The following IVD variants were observed in gnomAD, a reference collection of about 807,000 sequenced individuals.
IVD encodes isovaleryl-CoA dehydrogenase.
A neutral mutation model predicts 51.3 loss-of-function variants in IVD; 31 were observed. The observed-to-expected ratio is 0.60, with a 90% CI of 0.45 to 0.81. The LOEUF is 0.81. Ranked by LOEUF, IVD falls within the 40% of genes least tolerant of loss-of-function variation. The pLI is 0.00. For synonymous variants in IVD, 205 were observed against 219.4 expected, an observed-to-expected ratio of 0.93 and a Z score of 0.58; for missense variants, 475 against 552.0, an observed-to-expected ratio of 0.86 and a Z score of 1.40.
chr15:40,423,991 C>A, downstream of IVD: 1 of 335,870 alleles, frequency 3.0e-6, no homozygotes, highest in Non-Finnish European at 5.6e-6. Flanking sequence ...CTGTGTGCGC[C>A]ACTTGGTTAC....
rs2141361686 is a variant in IVD, at chr15:40,416,298, A to G, written c.1074A>G (p.Ala358=). ...CCAGCTTCCTCCCGTAGGACTGTGC[A>G]GGTGTGATTCTTTACTCAGCTGAGT... ...DEGHCTAKDC[A]GVILYSAECA... The change falls in exon 11 of 12, where the codon GCA becomes GCG. Residue 358 remains alanine, a synonymous_variant. Coordinates refer to ENST00000487418, the MANE Select transcript of IVD (RefSeq NM_002225.5). The G allele has an allele frequency of 6.2e-7, 1 of 1,614,220 alleles. No individual in the cohort carries two copies. The highest frequency in any genetic ancestry group is 2.2e-5 in the East Asian group (1 of 44,874).
At chr15:40,425,531 T>G (rs543362968), downstream of IVD, among the ~76,000 whole-genome samples, 8 of 151,694 alleles carry the variant, frequency 5.3e-5, no homozygotes, top group Non-Finnish European at 1.0e-4. Flanking sequence ...TTCTTGGTTT[T>G]TTTGTTTGTT....
rs1464338822 is a variant in IVD, at chr15:40,421,075, C to T, written c.*2812C>T. The T allele has an allele frequency of 1.0e-6, 1 of 985,306 alleles. No individual in the cohort carries two copies. Among genetic ancestry groups the T allele is most frequent in the African/African-American group, 1.7e-5 (1 of 57,230 alleles). 61.0% of individuals were successfully genotyped at this position (985,306 alleles called of 1,614,324 possible). A position where few individuals can be genotyped will look rare whatever the true frequency, so the allele number is the denominator to read the frequency against. ...CAAGATCCTGGGCTCATAGGCAGTC[C>T]CTTTCACTTCCTTGTCTTGCTCCCT... On this transcript the variant is annotated 3_prime_UTR_variant, in exon 12 of 12. Coordinates refer to ENST00000487418, the MANE Select transcript of IVD (RefSeq NM_002225.5).
At chr15:40,406,770 C>A (rs996604814) in intron 1 of IVD, among the ~76,000 whole-genome samples, 1 of 152,126 alleles carries the variant, frequency 6.6e-6, no homozygotes, top group Admixed American at 6.5e-5. Flanking sequence ...TTATAGCCAG[C>A]GAGCGCTCAG....
intron 6 of IVD, chr15:40,412,641 G>A: frequency 2.8e-6 from 1 of 354,312 alleles, no homozygotes; most frequent in South Asian, 2.3e-5. Context: ...AACAACAGAG[G>A]ATAAGGGAAT....
At chr15:40,409,338 C>T (rs1258561765) in intron 3 of IVD, among the ~76,000 whole-genome samples, 1 of 151,562 alleles carries the variant, frequency 6.6e-6, no homozygotes, top group Non-Finnish European at 1.5e-5. Flanking sequence ...GAGTTCAAGG[C>T]TGCAATGAGC....
In IVD at chr15:40,421,300, C is replaced by A. The variant is rs77633443; in HGVS notation, c.*3037C>A. 1.0e-6 allele frequency: 1 copy of A among 983,108 alleles called. No individual in the cohort carries two copies. Among genetic ancestry groups the A allele is most frequent in the African/African-American group, 1.8e-5 (1 of 57,000 alleles). The allele number at this position is 983,108 out of a possible 1,614,324, so 60.9% of individuals were successfully genotyped here. On this transcript the variant is annotated 3_prime_UTR_variant, in exon 12 of 12. Transcript: ENST00000487418. ...GTTTTAAAATTAAAAGCAAAAAAAA[C>A]AAAATGAACCATGCAGCCTGAGTGG... is the stretch of plus-strand genomic sequence containing the variant.
downstream of IVD, among the ~76,000 whole-genome samples, chr15:40,425,232 C>T (rs1361248917): frequency 6.6e-6 from 1 of 152,094 alleles, no homozygotes; most frequent in African/African-American, 2.4e-5. Flanking sequence ...AAATAACAAA[C>T]TCCTGTGTAC....
At chr15:40,414,106 G>A (rs1311891040) in intron 7 of IVD, among the ~76,000 whole-genome samples, 2 of 151,972 alleles carry the variant, frequency 1.3e-5, no homozygotes, top group East Asian at 3.9e-4. Context: ...TGATCCACCT[G>A]TCTCAGCCTC....
In IVD at chr15:40,407,947, G is replaced by A. The variant is rs540375168; in HGVS notation, c.243G>A (p.Trp81Ter). The A allele has an allele frequency of 2.5e-6, 4 of 1,614,108 alleles. No individual in the cohort carries two copies. In the South Asian group the frequency reaches 4.4e-5, roughly 18 times the overall value. The change falls in exon 3 of 12, where the codon TGG (tryptophan) becomes TGA (stop). Residue 81 changes from tryptophan (W) to a stop codon, truncating the protein, a stop_gained. Coordinates refer to ENST00000487418, the MANE Select transcript of IVD (RefSeq NM_002225.5). LOFTEE classifies it high-confidence loss of function. ...CTCCATTCTGTTGGCAGGAATTTTG[G>A]AAGCAGCTGGGGAACCTGGGCGTAT... ...SNEFKNLREF[W>*]KQLGNLGVLG...
intron 9 of IVD, 108 bp from the exon 10 acceptor site, chr15:40,415,970 A>G: frequency 1.1e-6 from 1 of 931,462 alleles, no homozygotes; most frequent in South Asian, 1.4e-5. Flanking sequence ...TCTCCTCTCC[A>G]TGCCCCTGCT....
At chr15:40,406,924 C>T (rs542695228) in intron 1 of IVD, among the ~76,000 whole-genome samples, 8 of 148,398 alleles carry the variant, frequency 5.4e-5, no homozygotes, top group African/African-American at 2.0e-4. Flanking sequence ...AGTGTAATGG[C>T]GCGATCTCCG....
At chr15:40,411,779 C>A in intron 6 of IVD, 88 bp downstream of exon 6, 1 of 1,496,038 alleles carries the variant, frequency 6.7e-7, no homozygotes, top group Non-Finnish European at 9.2e-7. Flanking sequence ...CAAATGGAAT[C>A]AGTGTTGTGT....
At position 40,419,326 on chromosome 15, in the gene IVD, C is replaced by T. The variant is rs1295653114; in HGVS notation, c.*1063C>T. 17 of 834,536 alleles carry T rather than the reference C, an allele frequency of 2.0e-5. No individual in the cohort carries two copies. Among genetic ancestry groups the T allele is most frequent in the East Asian group, 6.4e-5 (1 of 15,512 alleles). 51.7% of individuals were successfully genotyped at this position (834,536 alleles called of 1,614,324 possible). A position where few individuals can be genotyped will look rare whatever the true frequency, so the allele number is the denominator to read the frequency against. ...AGGAGTTCAAGACCAGCCTGTCCAA[C>T]GTGGTGAAACCCCATCTCTACTAAA... On this transcript the variant is annotated 3_prime_UTR_variant, in exon 12 of 12. Transcript: ENST00000487418.
downstream of IVD, chr15:40,424,233 G>A: frequency 7.8e-7 from 1 of 1,274,434 alleles, no homozygotes; most frequent in Non-Finnish European, 1.0e-6. Context: ...TCTAAGGCTT[G>A]GCAAGGCAAA....
chr15:40,431,782 CACCCTG>C (rs1892991626), intron 7 of IVD, among the ~76,000 whole-genome samples: 1 of 151,976 alleles, frequency 6.6e-6, no homozygotes, highest in South Asian at 2.1e-4. Context: ...TCACAGAATA[CACCCTG>C]ACAGAGGGAA....
Position 40,407,650 on chromosome 15 carries a change from G to T in IVD, c.159G>T (p.Met53Ile). 1.2e-6 allele frequency: 2 copies of T among 1,614,140 alleles called. No individual in the cohort carries two copies. Among genetic ancestry groups the T allele is most frequent in the South Asian group, 2.2e-5 (2 of 91,072 alleles). ...TCTCCTATTAGCTTCGTCAGACCATGGCTAAGTTCCTTCAGGAGCACCTGG... is the reference window on the plus strand; with the variant it reads ...TCTCCTATTAGCTTCGTCAGACCATTGCTAAGTTCCTTCAGGAGCACCTGG... ...SEEQRQLRQT[M>I]AKFLQEHLAP... Residue 53 changes from methionine (M) to isoleucine (I), a missense_variant, in exon 2 of 12, where the codon ATG (methionine) becomes ATT (isoleucine). Met to Ile is a conservative substitution (Grantham distance 10, BLOSUM62 1). Coordinates refer to ENST00000487418, the MANE Select transcript of IVD (RefSeq NM_002225.5).
At chr15:40,421,504 T>C (rs1455373816), downstream of IVD, among the ~76,000 whole-genome samples, 1 of 152,212 alleles carries the variant, frequency 6.6e-6, no homozygotes, top group Non-Finnish European at 1.5e-5. Flanking sequence ...CTGTTGATGC[T>C]GCCTGCCCTG....
chr15:40,410,839 A>G (rs1890997044), intron 4 of IVD, 42 bp downstream of exon 4: 2 of 1,607,112 alleles, frequency 1.2e-6, no homozygotes, highest in Admixed American at 1.7e-5. Context: ...CTCACAGTGC[A>G]ACCACCAACT....
Sources: gnomAD v4.1 joint callset for allele counts (sites outside exome capture counted in the v4.1 genomes callset) on GRCh38, gnomAD v4.1.1 for gene constraint, MANE v1.5 for transcripts, NCBI Gene and HGNC (gene_info 2026-07-23, HGNC 2026-07-21) for gene names.